Variants in GSPT1 observed in about 807,000 individuals in gnomAD.
GSPT1 encodes eukaryotic peptide chain release factor GTP-binding subunit ERF3A.
GSPT1 carries 20 observed loss-of-function variants against 72.5 expected under a neutral mutation model. That is an observed-to-expected ratio of 0.28 (90% CI 0.19 to 0.40). The LOEUF (loss-of-function observed/expected upper bound fraction) is 0.40. Ranked by LOEUF, GSPT1 falls within the 10% of genes least tolerant of loss-of-function variation. The pLI is 1.00. For missense variants in GSPT1, 580 were observed against 811.9 expected (o/e 0.71, Z 3.47); for synonymous variants, 334 against 293.5 (o/e 1.14, Z -1.41).
At chr16:11,889,618 C>T (rs1455942804) in intron 6 of GSPT1, among the ~76,000 whole-genome samples, 3 of 151,290 alleles carry the variant, frequency 2.0e-5, no homozygotes, top group African/African-American at 4.8e-5. Context: ...AGTGATTCTC[C>T]TGCCTCAGCC....
chr16:11,893,377 G>C (rs2054294227), intron 5 of GSPT1, among the ~76,000 whole-genome samples: 1 of 151,620 alleles, frequency 6.6e-6, no homozygotes, highest in African/African-American at 2.4e-5. Flanking sequence ...CTTCCGCCTT[G>C]GCCTCCCAAA....
Position 11,912,672 on chromosome 16 carries a change from T to TA in GSPT1, c.352+2696dup, listed in dbSNP as rs201986326. ...ACTAAACCAGTTTCTTATCTAACAATAAAAAAAACTAGGTGCAAATTGCAA... is the reference window on the plus strand; with the variant it reads ...ACTAAACCAGTTTCTTATCTAACAATAAAAAAAAACTAGGTGCAAATTGCAA... On this transcript the variant is annotated intron_variant, in intron 1 of 14. Transcript: ENST00000434724. 5.9e-3 allele frequency among the ~76,000 whole-genome samples: 899 copies of TA among 152,108 alleles called. 13 individuals carry two copies. Among genetic ancestry groups the TA allele is most frequent in the African/African-American group, 0.02 (812 of 41,532 alleles).
At chr16:11,896,926 C>A in intron 3 of GSPT1, 141 bp from the exon 4 acceptor site, 1 of 637,044 alleles carries the variant, frequency 1.6e-6, no homozygotes, top group Non-Finnish European at 2.7e-6. Context: ...AGCAGGAAAA[C>A]CTCTTTCATA....
rs185139288 is a variant in GSPT1 at position 11,890,460 on chromosome 16, C to T, written c.776+602G>A. 1.7e-3 allele frequency among the ~76,000 whole-genome samples: 264 copies of T among 152,210 alleles called. 2 individuals are homozygous for T. The highest frequency in any genetic ancestry group is 5.2e-3 in the Admixed American group (80 of 15,258). On this transcript the variant is annotated intron_variant, in intron 6 of 14. Transcript: ENST00000434724. ...TTACCTCATCATCTTCACAGCATGT[C>T]CTCAATTTTTTATAACAACACTGAC...
intron 13 of GSPT1, 24 bp downstream of exon 13, chr16:11,876,062 A>G: frequency 6.5e-7 from 1 of 1,529,384 alleles, no homozygotes; most frequent in Non-Finnish European, 9.1e-7. Flanking sequence ...TAAAACAGAA[A>G]TAAACCAATT....
At chr16:11,915,004 C>A in intron 1 of GSPT1, 4 of 1,289,556 alleles carry the variant, frequency 3.1e-6, no homozygotes, top group Middle Eastern at 2.1e-4. Flanking sequence ...TGACTCCTGG[C>A]TCCATCTGTC....
Position 11,871,669 on chromosome 16 carries a change from G to T in GSPT1, c.*1450C>A, listed in dbSNP as rs1009969928. 4.6e-5 allele frequency: 7 copies of T among 152,150 alleles called. No individual in the cohort carries two copies. The highest frequency in any genetic ancestry group is 1.0e-4 in the Non-Finnish European group (7 of 68,024). The allele number at this position is 152,150 out of a possible 1,614,324, so 9.4% of individuals were successfully genotyped here. The stretch of plus-strand genomic sequence containing the variant: ...CTGAGGAGCAAAATTATAGGGAAGA[G>T]ACTTGTCATTAAATATACAAAGTAT... On this transcript the variant is annotated 3_prime_UTR_variant, in exon 15 of 15. Transcript: ENST00000434724.
chr16:11,876,347 G>C (rs1013390520), intron 12 of GSPT1, among the ~76,000 whole-genome samples, 172 bp from the exon 13 acceptor site: 1 of 152,192 alleles, frequency 6.6e-6, no homozygotes, highest in African/African-American at 2.4e-5. Context: ...TTGTTCACAG[G>C]ATGGGTCAGG....
At chr16:11,875,015 C>T (rs1362630565) in intron 14 of GSPT1, among the ~76,000 whole-genome samples, 7 of 152,168 alleles carry the variant, frequency 4.6e-5, no homozygotes, top group African/African-American at 9.7e-5. Flanking sequence ...CGTGGTGAAA[C>T]CCCGTCTCTA....
chr16:11,914,951 T>C (rs2054611028), intron 1 of GSPT1: 3 of 1,191,610 alleles, frequency 2.5e-6, no homozygotes, highest in African/African-American at 1.6e-5. Flanking sequence ...AACTCGGCCA[T>C]TCGTCCTCCC....
At chr16:11,910,844 G>A (rs2054548608) in intron 1 of GSPT1, among the ~76,000 whole-genome samples, 1 of 152,222 alleles carries the variant, frequency 6.6e-6, no homozygotes, top group Non-Finnish European at 1.5e-5. Context: ...TTTTACACCA[G>A]TCAAAAATTC....
chr16:11,897,866 A>G lies in GSPT1; in HGVS notation c.410T>C (p.Val137Ala), dbSNP rs1198713958. ...AATAGGTTCTGAAAGTTCCATGCTAACAGCTGAATTTGAACCTAGACAAGA... is the reference window on the plus strand; with the variant it reads ...AATAGGTTCTGAAAGTTCCATGCTAGCAGCTGAATTTGAACCTAGACAAGA... ...QSLCEGSNSAVSMELSEPIVE... is the reference protein window; with the variant it reads ...QSLCEGSNSAASMELSEPIVE... Residue 137 changes from valine to alanine, a missense_variant, in exon 3 of 15, where the codon GTT (valine) becomes GCT (alanine). Transcript: ENST00000434724. The G allele has an allele frequency of 1.3e-6, 2 of 1,543,178 alleles. No individual in the cohort carries two copies. Among genetic ancestry groups the G allele is most frequent in the East Asian group, 2.3e-5 (1 of 42,864 alleles).
In GSPT1 at chr16:11,871,204, T is replaced by A. The variant is rs1045472266; in HGVS notation, c.*1915A>T. On this transcript the variant is annotated 3_prime_UTR_variant, in exon 15 of 15. Coordinates refer to ENST00000434724, the MANE Select transcript of GSPT1 (RefSeq NM_002094.4). The stretch of plus-strand genomic sequence containing the variant: ...CCATAATTATAGTTTTAAGAATCTG[T>A]AGGACAATAACTTTGCTCTGTCCAT... 6.6e-6 allele frequency: 1 copy of A among 152,216 alleles called. No homozygotes were observed. The highest frequency in any genetic ancestry group is 1.5e-5 in the Non-Finnish European group (1 of 68,044). 9.4% of individuals were successfully genotyped at this position (152,216 alleles called of 1,614,324 possible).
intron 1 of GSPT1, among the ~76,000 whole-genome samples, chr16:11,911,251 T>C (rs974784223): frequency 1.3e-5 from 2 of 152,208 alleles, no homozygotes; most frequent in African/African-American, 4.8e-5. Context: ...TTTGGAATCC[T>C]CTCTACTCTG....
In GSPT1 at chr16:11,877,343, C is replaced by T; in HGVS notation, c.1602+64G>A. 4.5e-6 allele frequency: 5 copies of T among 1,098,956 alleles called. No homozygotes were observed. The highest frequency in any genetic ancestry group is 3.2e-5 in the South Asian group (2 of 61,646). 68.1% of individuals were successfully genotyped at this position (1,098,956 alleles called of 1,614,324 possible). A position where few individuals can be genotyped will look rare whatever the true frequency, so the allele number is the denominator to read the frequency against. On this transcript the variant is annotated intron_variant, in intron 12 of 14. Coordinates refer to ENST00000434724, the MANE Select transcript of GSPT1 (RefSeq NM_002094.4). The surrounding 1 kb of genome is among the most constrained non-coding windows in gnomAD (Gnocchi z 4.0). ...TGTCACAAATAATCAGGACAAAAGGCACTGATATTCTAATTTCATTTAGAC... is the reference window on the plus strand; with the variant it reads ...TGTCACAAATAATCAGGACAAAAGGTACTGATATTCTAATTTCATTTAGAC...
chr16:11,892,550 C>T (rs1191579429), intron 5 of GSPT1, among the ~76,000 whole-genome samples: 7 of 125,848 alleles, frequency 5.6e-5, no homozygotes, highest in East Asian at 5.8e-4. Context: ...AAAAAATGGC[C>T]GGGCACGGTG....
intron 11 of GSPT1, among the ~76,000 whole-genome samples, chr16:11,878,795 A>G (rs1294995414): frequency 6.6e-6 from 1 of 152,016 alleles, no homozygotes; most frequent in Non-Finnish European, 1.5e-5. Context: ...TATGCAGGCC[A>G]GGTGCAGTGG....
At chr16:11,912,546 G>A (rs2054573685) in intron 1 of GSPT1, among the ~76,000 whole-genome samples, 1 of 152,122 alleles carries the variant, frequency 6.6e-6, no homozygotes, top group Non-Finnish European at 1.5e-5. Context: ...CTTAATGGCA[G>A]TGAGTTCTGA....
intron 1 of GSPT1, among the ~76,000 whole-genome samples, chr16:11,909,293 G>A (rs1308236373): frequency 1.3e-5 from 2 of 152,096 alleles, no homozygotes; most frequent in Admixed American, 1.3e-4. Context: ...CATTTACGAA[G>A]GAGCCATATA....
Sources: gnomAD v4.1 joint callset for allele counts (sites outside exome capture counted in the v4.1 genomes callset) on GRCh38, gnomAD v4.1.1 for gene constraint, Gnocchi (gnomAD v3.1) non-coding constraint, MANE v1.5 for transcripts, NCBI Gene and HGNC (gene_info 2026-07-23, HGNC 2026-07-21) for gene names.